Variants in SPRED2 observed in about 807,000 individuals in gnomAD.
SPRED2 encodes the protein sprouty-related, EVH1 domain-containing protein 2.
In SPRED2, 47 loss-of-function variants were observed where a neutral mutation model predicts 43.0. The observed-to-expected ratio is 1.09, with a 90% CI of 0.87 to 1.40. SPRED2 has a LOEUF of 1.40. SPRED2 is among the 40% of genes most tolerant of loss of function. The pLI is 0.00. For synonymous variants in SPRED2, 225 were observed against 225.7 expected, an observed-to-expected ratio of 1.00 and a Z score of 0.03; for missense variants, 561 against 586.4, an observed-to-expected ratio of 0.96 and a Z score of 0.45.
downstream of SPRED2, among the ~76,000 whole-genome samples, chr2:65,308,786 G>C (rs1178503259): frequency 6.6e-6 from 1 of 152,204 alleles, no homozygotes; most frequent in Admixed American, 6.5e-5. Flanking sequence ...TGACCTTTAT[G>C]GAGTTAGGTG....
chr2:65,311,025 GT>G lies in SPRED2; in HGVS notation c.*2475del. On this transcript the variant is annotated 3_prime_UTR_variant, in exon 6 of 6. Coordinates refer to ENST00000356388, the MANE Select transcript of SPRED2 (RefSeq NM_181784.3). The stretch of plus-strand genomic sequence containing the variant: ...ATTATAAAAAAATCAATACAACAGG[GT>G]TTTTAGTATACAGGTAAAGAATGAA... 1.0e-6 allele frequency: 1 copy of G among 984,790 alleles called. No individual in the cohort carries two copies. The highest frequency in any genetic ancestry group is 1.2e-6 in the Non-Finnish European group (1 of 829,056). The allele number at this position is 984,790 out of a possible 1,614,324, so 61.0% of individuals were successfully genotyped here.
chr2:65,397,877 A>G (rs1675794822), intron 1 of SPRED2, among the ~76,000 whole-genome samples: 1 of 152,174 alleles, frequency 6.6e-6, no homozygotes, highest in Non-Finnish European at 1.5e-5. Context: ...TCACAGAACT[A>G]GAAAAAAAAA....
At chr2:65,404,364 A>AT (rs1257794039) in intron 1 of SPRED2, among the ~76,000 whole-genome samples, 1 of 152,212 alleles carries the variant, frequency 6.6e-6, no homozygotes, top group Non-Finnish European at 1.5e-5. Context: ...TATTACATGT[A>AT]TTAGTGAACT....
intron 1 of SPRED2, 60 bp downstream of exon 1, chr2:65,431,902 G>A: frequency 6.3e-7 from 1 of 1,598,494 alleles, no homozygotes; most frequent in South Asian, 1.1e-5. Context: ...CGCATCCTCA[G>A]CCCCGGCCCC....
At chr2:65,419,654 C>T (rs1401524090) in intron 1 of SPRED2, among the ~76,000 whole-genome samples, 1 of 151,860 alleles carries the variant, frequency 6.6e-6, no homozygotes, top group Non-Finnish European at 1.5e-5. Context: ...ATATGCCAAA[C>T]ATCCACTGTG....
At chr2:65,402,407 G>A (rs1675927005) in intron 1 of SPRED2, among the ~76,000 whole-genome samples, 1 of 152,142 alleles carries the variant, frequency 6.6e-6, no homozygotes. Flanking sequence ...CCCACTGTAG[G>A]GGATGAGAAG....
intron 2 of SPRED2, among the ~76,000 whole-genome samples, chr2:65,335,026 C>T (rs1274688175): frequency 1.3e-5 from 2 of 152,226 alleles, no homozygotes; most frequent in African/African-American, 4.8e-5. Flanking sequence ...ATTCCTCTTC[C>T]TCCTGGCTGC....
rs555449116 is a variant in SPRED2 at position 65,313,911 on chromosome 2, G to T, written c.847C>A (p.Arg283Ser). The change falls in exon 6 of 6, where the codon CGC becomes AGC. Residue 283 changes from arginine to serine, a missense_variant. Arg to Ser is a moderately radical substitution (Grantham distance 110). Around this residue, in one of 6 missense-constraint regions of SPRED2, gnomAD observed 164 missense variants for 164.1 expected, o/e 1.00. Transcript: ENST00000356388. ...DFGLGEDPKG[R>S]GGSVIKTQPS... ...TGCGTCTTGATCACGCTGCCCCCGC[G>T]GCCTTTGGGGTCCTCGCCTAGGCCA... 5 of 1,610,588 alleles carry T rather than the reference G, an allele frequency of 3.1e-6. No homozygotes were observed. In the East Asian group the frequency reaches 1.1e-4, roughly 36 times the overall value.
intron 2 of SPRED2, among the ~76,000 whole-genome samples, chr2:65,338,285 G>A (rs1458325041): frequency 1.8e-5 from 1 of 55,264 alleles, no homozygotes; most frequent in Non-Finnish European, 3.7e-5. Context: ...TCCCTCTCCC[G>A]TCTCCCTCTC....
At chr2:65,396,876 G>C (rs896630020) in intron 1 of SPRED2, among the ~76,000 whole-genome samples, 1 of 152,206 alleles carries the variant, frequency 6.6e-6, no homozygotes, top group Admixed American at 6.5e-5. Context: ...TGAAAAATTA[G>C]ATCTTTGTTT....
chr2:65,377,320 C>A (rs1314588177), intron 1 of SPRED2, among the ~76,000 whole-genome samples: 1 of 152,080 alleles, frequency 6.6e-6, no homozygotes, highest in Non-Finnish European at 1.5e-5. Context: ...AAGAAAAAAG[C>A]TACAGAAAAA....
chr2:65,404,905 T>G (rs1159550497), intron 1 of SPRED2, among the ~76,000 whole-genome samples: 1 of 152,202 alleles, frequency 6.6e-6, no homozygotes, highest in African/African-American at 2.4e-5. Context: ...TTTTATGATC[T>G]AACCTCACTT....
At chr2:65,390,575 G>T (rs1675610064) in intron 1 of SPRED2, among the ~76,000 whole-genome samples, 1 of 152,198 alleles carries the variant, frequency 6.6e-6, no homozygotes, top group Admixed American at 6.5e-5. Context: ...TCTGTCAAGG[G>T]CTGTGTGGCT....
intron 1 of SPRED2, among the ~76,000 whole-genome samples, chr2:65,384,828 G>A (rs1191966168): frequency 1.3e-5 from 2 of 152,094 alleles, no homozygotes; most frequent in Non-Finnish European, 2.9e-5. Flanking sequence ...TGCACACCTC[G>A]ATTCACCAAG....
chr2:65,367,295 T>G (rs1011855088), intron 1 of SPRED2, among the ~76,000 whole-genome samples: 2 of 152,172 alleles, frequency 1.3e-5, no homozygotes, highest in Non-Finnish European at 2.9e-5. Context: ...TAAAATGATA[T>G]GATATCTGGG....
intron 1 of SPRED2, among the ~76,000 whole-genome samples, chr2:65,411,943 C>T (rs1029820953): frequency 3.3e-5 from 5 of 151,930 alleles, no homozygotes; most frequent in Admixed American, 1.3e-4. Flanking sequence ...CTGGCCAACA[C>T]GGTGAAACTT....
At chr2:65,427,134 C>T (rs1459750630) in intron 1 of SPRED2, among the ~76,000 whole-genome samples, 1 of 152,100 alleles carries the variant, frequency 6.6e-6, no homozygotes, top group Non-Finnish European at 1.5e-5. Flanking sequence ...TGCAGTGGTA[C>T]GATCACAGCT....
intron 1 of SPRED2, among the ~76,000 whole-genome samples, chr2:65,368,725 ATAAACT>A (rs1444241394): frequency 6.6e-6 from 1 of 152,206 alleles, no homozygotes; most frequent in Non-Finnish European, 1.5e-5. Context: ...CTGTTTCAAA[ATAAACT>A]TAAACATTCA....
rs995212700 is a variant in SPRED2, at chr2:65,365,618, G to A, written c.27-20722C>T. Among the ~76,000 whole-genome samples the A allele has an allele frequency of 4.6e-5, 7 of 152,206 alleles. No homozygotes were observed. The East Asian group carries it at 1.2e-3, about 25-fold the overall frequency. On this transcript the variant is annotated intron_variant, in intron 1 of 5. Coordinates refer to ENST00000356388, the MANE Select transcript of SPRED2 (RefSeq NM_181784.3). ...CAAATGCTAAATCTTAGGCAAATTT[G>A]TGGGCAGTTGTGTTATAGGTCCTGA...
Sources: gnomAD v4.1 joint callset for allele counts (sites outside exome capture counted in the v4.1 genomes callset) on GRCh38, gnomAD v4.1.1 for gene constraint, gnomAD v4.1.1 regional missense constraint, MANE v1.5 for transcripts, NCBI Gene and HGNC (gene_info 2026-07-23, HGNC 2026-07-21) for gene names.